ATP2C1: variants seen among roughly 807,000 people sequenced by gnomAD.
ATP2C1 encodes ATPase secretory pathway Ca2+ transporting 1.
In ATP2C1, 31 loss-of-function variants were observed where a neutral mutation model predicts 120.5. The observed-to-expected ratio is 0.26, with a 90% confidence interval of 0.19 to 0.35. ATP2C1 has a LOEUF of 0.35. Among genes scored for constraint, ATP2C1 ranks in the 10% least tolerant of loss-of-function variants. The probability of loss-of-function intolerance (pLI) is 1.00; values close to 1 mark genes in which losing one functional copy is unlikely to be tolerated. For missense variants in ATP2C1, 731 were observed against 1,107.5 expected, an observed-to-expected ratio of 0.66 and a Z score of 4.83; for synonymous variants, 351 against 358.7, an observed-to-expected ratio of 0.98 and a Z score of 0.24.
At chr3:130,855,305 T>C (rs191752133) in intron 1 of ATP2C1, among the ~76,000 whole-genome samples, 267 of 152,326 alleles carry the variant, frequency 1.8e-3, no homozygotes, top group Non-Finnish European at 3.3e-3. Context: ...TTTGCTAGTT[T>C]AGTCCCAGTG....
intron 8 of ATP2C1, among the ~76,000 whole-genome samples, chr3:130,946,392 T>C (rs1397958467): frequency 6.6e-6 from 1 of 152,228 alleles, no homozygotes; most frequent in Non-Finnish European, 1.5e-5. Flanking sequence ...GCTTGTTCCT[T>C]TCTGTTCCCT....
chr3:131,000,460 T>A (rs62282198), intron 27 of ATP2C1, among the ~76,000 whole-genome samples: 1 of 152,124 alleles, frequency 6.6e-6, no homozygotes, highest in Non-Finnish European at 1.5e-5. Context: ...ATAGTGTGGA[T>A]AGTATTGTAA....
Position 130,894,131 on chromosome 3 carries a change from C to CG in ATP2C1, c.-387_-386insG. The CG allele has an allele frequency of 1.2e-6, 1 of 863,018 alleles. No homozygotes were observed. Among genetic ancestry groups the CG allele is most frequent in the Non-Finnish European group, 1.4e-6 (1 of 718,432 alleles). 53.5% of individuals were successfully genotyped at this position (863,018 alleles called of 1,614,324 possible). A position where few individuals can be genotyped will look rare whatever the true frequency, so the allele number is the denominator to read the frequency against. ...CCGGCCCGGCGGACCGTGACGGGTC[C>CG]CCTCACCTCCTCTTCTCTCCCCTCC... is the stretch of plus-strand genomic sequence containing the variant. On this transcript the variant is annotated 5_prime_UTR_variant, in exon 1 of 28. Transcript: ENST00000510168. The surrounding 1 kb of genome is among the most constrained non-coding windows in gnomAD (Gnocchi z 4.5).
At chr3:131,007,629 G>GT (rs145963261), downstream of ATP2C1, among the ~76,000 whole-genome samples, 717 of 152,188 alleles carry the variant, frequency 4.7e-3, 5 homozygotes, top group African/African-American at 0.016. Context: ...TTTTAATACA[G>GT]TTTTTTAAAA....
chr3:130,961,604 T>C (rs1348700817), intron 12 of ATP2C1, among the ~76,000 whole-genome samples: 1 of 152,048 alleles, frequency 6.6e-6, no homozygotes, highest in African/African-American at 2.4e-5. Flanking sequence ...AAGTAAATAA[T>C]CACTATTCTC....
intron 2 of ATP2C1, among the ~76,000 whole-genome samples, chr3:130,916,729 T>C (rs544406720): frequency 6.6e-6 from 1 of 152,262 alleles, no homozygotes; most frequent in Non-Finnish European, 1.5e-5. Context: ...CAGTTCTCCT[T>C]TTTCTTTTTT....
rs2069454407 is a variant in ATP2C1, at chr3:130,894,854, A to G, written c.6+79A>G. ...GCTTTTAAGTTGTCTTTGTTTTTCC[A>G]CCTTTTTATTTTCGTGAGCTTATTT... On this transcript the variant is annotated intron_variant, in intron 2 of 27. Transcript: ENST00000510168. This position sits in a 1 kb window ranked among gnomAD's most constrained non-coding sequence, Gnocchi z 4.5. 1.4e-6 allele frequency: 2 copies of G among 1,389,270 alleles called. No homozygotes were observed. Among genetic ancestry groups the G allele is most frequent in the Admixed American group, 3.4e-5 (2 of 59,654 alleles). 86.1% of individuals were successfully genotyped at this position (1,389,270 alleles called of 1,614,324 possible).
At position 130,997,612 on chromosome 3, in the gene ATP2C1, A is replaced by C. The variant is rs1195757793; in HGVS notation, c.2250A>C (p.Gly750=). The C allele has an allele frequency of 6.2e-7, 1 of 1,613,226 alleles. No homozygotes were observed. Among genetic ancestry groups the C allele is most frequent in the South Asian group, 1.1e-5 (1 of 91,060 alleles). ...IMDGPPAQSL[G]VEPVDKDVIR... is the part of the protein sequence containing the mutation. ...TTTTCTGTTTGTTTTTAAGCCTTGG[A>C]GTAGAACCAGTGGATAAAGATGTCA... is the stretch of plus-strand genomic sequence containing the variant. Residue 750 remains glycine (G), a synonymous_variant, in exon 25 of 28, where the codon GGA becomes GGC. Coordinates refer to ENST00000510168, the MANE Select transcript of ATP2C1 (RefSeq NM_001378687.1).
At chr3:130,987,156 C>CT (rs1212657751) in intron 20 of ATP2C1, among the ~76,000 whole-genome samples, 1 of 150,650 alleles carries the variant, frequency 6.6e-6, no homozygotes, top group Non-Finnish European at 1.5e-5. Context: ...GATTTTTAAA[C>CT]TTTTTTGAAA....
chr3:130,884,930 C>CTTTTTTTTTTTTTTTTTTT (rs35931105), intron 1 of ATP2C1, among the ~76,000 whole-genome samples: 2 of 120,864 alleles, frequency 1.7e-5, no homozygotes, highest in Admixed American at 8.9e-5. Context: ...TCTTTTCTTT[C>CTTTTTTTTTTTTTTTTTTT]TTTTTTTTTT....
chr3:130,947,844 A>G (rs778078063), intron 8 of ATP2C1, among the ~76,000 whole-genome samples: 2 of 150,800 alleles, frequency 1.3e-5, no homozygotes, highest in Non-Finnish European at 3.0e-5. Context: ...TTTTCTGTGC[A>G]TACTGTTTAC....
intron 24 of ATP2C1, among the ~76,000 whole-genome samples, 186 bp downstream of exon 24, chr3:130,996,982 T>G (rs971415807): frequency 3.9e-5 from 6 of 152,148 alleles, no homozygotes; most frequent in Admixed American, 2.0e-4. Flanking sequence ...GCAGTGTAGA[T>G]CTGAGCCTTT....
intron 1 of ATP2C1, among the ~76,000 whole-genome samples, chr3:130,854,730 C>G (rs752463622): frequency 1.2e-4 from 18 of 152,158 alleles, no homozygotes; most frequent in Non-Finnish European, 2.5e-4. Context: ...GTGCTAGCAC[C>G]AAACAATGAG....
intron 20 of ATP2C1, among the ~76,000 whole-genome samples, chr3:130,991,474 C>T (rs560014930): frequency 2.6e-5 from 4 of 151,892 alleles, no homozygotes; most frequent in African/African-American, 4.8e-5. Flanking sequence ...AAATCCTCCC[C>T]GTTCCTATAT....
At chr3:130,955,960 C>T (rs1222676649) in intron 10 of ATP2C1, 144 bp from the exon 11 acceptor site, 5 of 644,228 alleles carry the variant, frequency 7.8e-6, no homozygotes, top group Non-Finnish European at 1.1e-5. Context: ...TCAGTTTTCT[C>T]AGTGAAGGTG....
intron 2 of ATP2C1, among the ~76,000 whole-genome samples, chr3:130,921,447 T>C (rs2058963872): frequency 6.6e-6 from 1 of 152,190 alleles, no homozygotes. Flanking sequence ...ATTAAGCATT[T>C]AATTTATTGC....
chr3:130,884,954 A>T (rs1205586767), intron 1 of ATP2C1, among the ~76,000 whole-genome samples: 1 of 129,136 alleles, frequency 7.7e-6, no homozygotes. Context: ...TTTTTTTAAG[A>T]CGGAGTCTTG....
At chr3:130,932,834 C>T (rs1032153218) in intron 4 of ATP2C1, among the ~76,000 whole-genome samples, 8 of 152,100 alleles carry the variant, frequency 5.3e-5, no homozygotes, top group Admixed American at 1.3e-4. Context: ...CTTTCTAAAA[C>T]GATCTATGTT....
intron 2 of ATP2C1, among the ~76,000 whole-genome samples, chr3:130,907,063 T>C (rs1166077413): frequency 7.1e-6 from 1 of 140,010 alleles, no homozygotes; most frequent in Non-Finnish European, 1.5e-5. Context: ...GTAAGAGTTC[T>C]TTATATATAT....
Sources: allele counts gnomAD v4.1 joint callset (sites outside exome capture counted in the v4.1 genomes callset), GRCh38; gene constraint gnomAD v4.1.1; non-coding constraint Gnocchi (gnomAD v3.1); transcripts MANE v1.5; gene names NCBI Gene and HGNC (gene_info 2026-07-23, HGNC 2026-07-21).